Variants in COPS4 observed in about 807,000 individuals in gnomAD.
COPS4 encodes COP9 signalosome complex subunit 4.
In COPS4, 8 loss-of-function variants were observed where a neutral mutation model predicts 55.1. The observed-to-expected ratio is 0.15, with a 90% CI of 0.09 to 0.26. The LOEUF (loss-of-function observed/expected upper bound fraction) is 0.26. Among genes scored for constraint, COPS4 ranks in the 10% least tolerant of loss-of-function variants. The probability of loss-of-function intolerance (pLI) is 1.00; values close to 1 mark genes in which losing one functional copy is unlikely to be tolerated. For synonymous variants in COPS4, 185 were observed against 165.7 expected, an observed-to-expected ratio of 1.12 and a Z score of -0.90; for missense variants, 248 against 484.0, an observed-to-expected ratio of 0.51 and a Z score of 4.58.
chr4:83,050,015 T>C (rs750886172), intron 4 of COPS4, 31 bp downstream of exon 4: 3 of 1,296,508 alleles, frequency 2.3e-6, no homozygotes, highest in Admixed American at 4.0e-5. Context: ...TGGATGACTA[T>C]ATATAGGATG....
intron 9 of COPS4, among the ~76,000 whole-genome samples, chr4:83,070,674 G>A (rs775254244): frequency 6.6e-6 from 1 of 152,146 alleles, no homozygotes; most frequent in Non-Finnish European, 1.5e-5. Context: ...CTCTTCAGGT[G>A]TTGAGAAATA....
intron 9 of COPS4, among the ~76,000 whole-genome samples, chr4:83,069,784 T>C (rs919272118): frequency 6.6e-6 from 1 of 152,238 alleles, no homozygotes; most frequent in African/African-American, 2.4e-5. Flanking sequence ...TGAATCTTTT[T>C]CTTCCTTCGT....
chr4:83,037,862 C>G (rs1424961061), intron 1 of COPS4, among the ~76,000 whole-genome samples: 1 of 152,102 alleles, frequency 6.6e-6, no homozygotes, highest in Non-Finnish European at 1.5e-5. Flanking sequence ...AGGGGCAGTG[C>G]TTGTATTTGA....
intron 1 of COPS4, among the ~76,000 whole-genome samples, chr4:83,044,868 T>C (rs1029918172): frequency 3.9e-5 from 6 of 152,218 alleles, no homozygotes; most frequent in Admixed American, 3.9e-4. Flanking sequence ...TACCGTTGAA[T>C]ATTTGAGTGC....
At chr4:83,054,416 G>A (rs550261620) in intron 4 of COPS4, among the ~76,000 whole-genome samples, 45 of 152,310 alleles carry the variant, frequency 3.0e-4, no homozygotes, top group Admixed American at 9.8e-4. Flanking sequence ...GTGAACGGGG[G>A]ATTCTTTTTT....
intron 8 of COPS4, among the ~76,000 whole-genome samples, chr4:83,066,993 A>G (rs1731306662): frequency 6.6e-6 from 1 of 152,100 alleles, no homozygotes. Context: ...TAATTTATAA[A>G]CCTTAAAAGT....
chr4:83,069,652 G>A (rs1308597447), intron 9 of COPS4, among the ~76,000 whole-genome samples: 1 of 151,880 alleles, frequency 6.6e-6, no homozygotes, highest in Non-Finnish European at 1.5e-5. Context: ...ATTTCAAAGG[G>A]GAAAAAAGCC....
chr4:83,073,849 T>C (rs1731499665), intron 9 of COPS4, among the ~76,000 whole-genome samples: 1 of 151,622 alleles, frequency 6.6e-6, no homozygotes, highest in South Asian at 2.1e-4. Context: ...CCCAGCTACT[T>C]GGGAGGCTGA....
At chr4:83,059,991 G>A (rs960598689) in intron 6 of COPS4, among the ~76,000 whole-genome samples, 41 of 152,072 alleles carry the variant, frequency 2.7e-4, no homozygotes, top group African/African-American at 9.2e-4. Context: ...GTGAGCCACC[G>A]CACCCGGCCG....
At chr4:83,060,925 T>A (rs1411763641) in intron 6 of COPS4, among the ~76,000 whole-genome samples, 1 of 151,620 alleles carries the variant, frequency 6.6e-6, no homozygotes, top group East Asian at 2.0e-4. Flanking sequence ...TCCTAGCTAC[T>A]TGGGAGGCTG....
chr4:83,067,238 TTTTG>T (rs996036068), intron 8 of COPS4, among the ~76,000 whole-genome samples: 4 of 151,890 alleles, frequency 2.6e-5, no homozygotes, highest in South Asian at 4.2e-4. Context: ...TGGCTAATTT[TTTTG>T]TTTGTTTGTT....
intron 8 of COPS4, among the ~76,000 whole-genome samples, chr4:83,068,087 G>A (rs952230833): frequency 1.3e-5 from 2 of 152,072 alleles, no homozygotes; most frequent in African/African-American, 4.8e-5. Flanking sequence ...CAAATACTGT[G>A]GAAATTGAAA....
intron 4 of COPS4, among the ~76,000 whole-genome samples, chr4:83,056,417 C>T (rs1419876328): frequency 2.6e-5 from 4 of 152,108 alleles, no homozygotes; most frequent in Non-Finnish European, 2.9e-5. Flanking sequence ...GTGAGATTAT[C>T]TGAGGATTAA....
chr4:83,074,525 C>T (rs1362676565), intron 9 of COPS4, among the ~76,000 whole-genome samples: 2 of 145,924 alleles, frequency 1.4e-5, no homozygotes, highest in Admixed American at 6.9e-5. Flanking sequence ...TGCAGTGGTA[C>T]GATCTTGGCT....
intron 6 of COPS4, among the ~76,000 whole-genome samples, chr4:83,060,863 C>T (rs1408494182): frequency 2.6e-5 from 4 of 151,508 alleles, no homozygotes; most frequent in Non-Finnish European, 5.9e-5. Flanking sequence ...GGAGAAACCT[C>T]GTTTCTACTG....
intron 4 of COPS4, among the ~76,000 whole-genome samples, chr4:83,055,437 A>G (rs1481326920): frequency 8.1e-6 from 1 of 123,630 alleles, no homozygotes; most frequent in African/African-American, 3.1e-5. Context: ...ATAACTATAC[A>G]GTATTCTACC....
At chr4:83,067,850 T>G (rs923142552) in intron 8 of COPS4, among the ~76,000 whole-genome samples, 2 of 152,206 alleles carry the variant, frequency 1.3e-5, no homozygotes, top group African/African-American at 4.8e-5. Flanking sequence ...TAACAATAAA[T>G]GCTAGTCACA....
intron 1 of COPS4, among the ~76,000 whole-genome samples, chr4:83,039,280 C>T (rs771913370): frequency 1.3e-5 from 2 of 152,134 alleles, no homozygotes; most frequent in South Asian, 2.1e-4. Context: ...GTTGACTGGG[C>T]TACATATCTC....
In COPS4 at chr4:83,064,672, G is replaced by A. The variant is rs147950268; in HGVS notation, c.886+1426G>A. ...TGCACTGGTGCAATCATGGCCCACT[G>A]CAGCCTGGAACAAAGTAACTGGGAC... On this transcript the variant is annotated intron_variant, in intron 7 of 9. Transcript: ENST00000264389. Among the ~76,000 whole-genome samples the A allele has an allele frequency of 9.3e-3, 1,418 of 151,834 alleles. 12 individuals carry two copies. Among genetic ancestry groups the A allele is most frequent in the Non-Finnish European group, 0.013 (882 of 67,962 alleles).
Sources: allele counts gnomAD v4.1 joint callset (sites outside exome capture counted in the v4.1 genomes callset), GRCh38; gene constraint gnomAD v4.1.1; transcripts MANE v1.5; gene names NCBI Gene and HGNC (gene_info 2026-07-23, HGNC 2026-07-21).